CIMIP6: variants seen among roughly 807,000 people sequenced by gnomAD.
CIMIP6 encodes the protein ciliary microtubule inner protein 6.
the CIMIP6 span, among the ~76,000 whole-genome samples, chr2:54,333,765 C>T: frequency 2.0e-5 from 3 of 151,990 alleles, no homozygotes; most frequent in African/African-American, 4.8e-5. Flanking sequence ...TGGTGGTGCG[C>T]GCCTGTAACC....
the CIMIP6 span, among the ~76,000 whole-genome samples, chr2:54,331,761 C>T: frequency 4.5e-4 from 68 of 151,648 alleles, 1 homozygote; most frequent in South Asian, 0.013. Context: ...TTCTGATGTA[C>T]CTTAAATTGA....
At chr2:54,334,855 G>A in the CIMIP6 span, 1 of 1,551,182 alleles carries the variant, frequency 6.4e-7, no homozygotes, top group South Asian at 1.2e-5. Context: ...ACATATGTAA[G>A]TGAAAATGAA....
the CIMIP6 span, chr2:54,360,233 A>C: frequency 6.2e-7 from 1 of 1,604,286 alleles, no homozygotes. Context: ...GAGAGAGATA[A>C]AACCAGGCAG....
the CIMIP6 span, among the ~76,000 whole-genome samples, chr2:54,367,534 T>G: frequency 3.9e-5 from 6 of 152,224 alleles, no homozygotes; most frequent in East Asian, 1.2e-3. Context: ...TATTGGTAAT[T>G]GGGTATTTGT....
At chr2:54,358,843 A>G in the CIMIP6 span, 1 of 528,492 alleles carries the variant, frequency 1.9e-6, no homozygotes, top group Non-Finnish European at 3.3e-6. Context: ...TGTGTAAATA[A>G]TCTTGCATAC....
chr2:54,345,578 A>C, the CIMIP6 span, among the ~76,000 whole-genome samples: 1 of 152,238 alleles, frequency 6.6e-6, no homozygotes. Flanking sequence ...ATTTTAGAGT[A>C]GCATGTTCTG....
the CIMIP6 span, among the ~76,000 whole-genome samples, chr2:54,343,313 A>G: frequency 3.3e-5 from 5 of 152,166 alleles, no homozygotes; most frequent in East Asian, 7.7e-4. Flanking sequence ...GAAAACCACT[A>G]TTTTTAGATG....
chr2:54,363,015 T>C, the CIMIP6 span, among the ~76,000 whole-genome samples: 7 of 152,214 alleles, frequency 4.6e-5, no homozygotes, highest in African/African-American at 1.7e-4. Flanking sequence ...AATCTATACA[T>C]GTTTCCTCAG....
chr2:54,377,539 G>C, the CIMIP6 span, among the ~76,000 whole-genome samples: 2 of 151,940 alleles, frequency 1.3e-5, no homozygotes, highest in Non-Finnish European at 2.9e-5. Flanking sequence ...CCTAACAATT[G>C]GCTCTTGCAA....
the CIMIP6 span, among the ~76,000 whole-genome samples, chr2:54,345,161 A>C: frequency 6.6e-6 from 1 of 152,298 alleles, no homozygotes; most frequent in East Asian, 1.9e-4. Context: ...GATCAACAGG[A>C]GAAAAGCATA....
the CIMIP6 span, among the ~76,000 whole-genome samples, chr2:54,337,252 C>T: frequency 6.6e-6 from 1 of 152,166 alleles, no homozygotes; most frequent in Non-Finnish European, 1.5e-5. Context: ...TCATGGACAG[C>T]ACACCATGGC....
chr2:54,335,099 A>C, the CIMIP6 span: 1 of 1,171,428 alleles, frequency 8.5e-7, no homozygotes, highest in Non-Finnish European at 1.2e-6. Context: ...TTGGTCACAG[A>C]CTATAAAGGA....
At chr2:54,360,685 GAA>G in the CIMIP6 span, 1 of 1,018,120 alleles carries the variant, frequency 9.8e-7, no homozygotes, top group East Asian at 2.9e-5. Flanking sequence ...TATGTAAATG[GAA>G]AAAGAGAAAA....
chr2:54,338,778 C>A, the CIMIP6 span, among the ~76,000 whole-genome samples: 1 of 74,958 alleles, frequency 1.3e-5, no homozygotes, highest in African/African-American at 4.5e-5. Context: ...TACATTTCTA[C>A]CTAGGAACAT....
At chr2:54,359,701 G>C in the CIMIP6 span, among the ~76,000 whole-genome samples, 1 of 151,932 alleles carries the variant, frequency 6.6e-6, no homozygotes, top group Non-Finnish European at 1.5e-5. Context: ...TGCATGTAAG[G>C]TTTATAAAGC....
the CIMIP6 span, among the ~76,000 whole-genome samples, chr2:54,344,378 T>C: frequency 6.6e-6 from 1 of 152,156 alleles, no homozygotes; most frequent in Non-Finnish European, 1.5e-5. Context: ...GTGAAGAGAA[T>C]AGAAGGAAGA....
At chr2:54,378,056 G>A in the CIMIP6 span, among the ~76,000 whole-genome samples, 5 of 152,290 alleles carry the variant, frequency 3.3e-5, no homozygotes, top group African/African-American at 1.2e-4. Flanking sequence ...GCTATTTAGA[G>A]AGCCCTGCAG....
chr2:54,335,885 T>C, the CIMIP6 span, among the ~76,000 whole-genome samples: 18 of 152,300 alleles, frequency 1.2e-4, no homozygotes, highest in South Asian at 8.3e-4. Context: ...GCCTTTTTCT[T>C]TGAAGCCAGC....
chr2:54,370,023 C>T, the CIMIP6 span, among the ~76,000 whole-genome samples: 1 of 152,072 alleles, frequency 6.6e-6, no homozygotes, highest in Non-Finnish European at 1.5e-5. Context: ...TTTGGGAGGG[C>T]GAGACAGGTG....
Sources: allele counts gnomAD v4.1 joint callset (sites outside exome capture counted in the v4.1 genomes callset), GRCh38; gene constraint gnomAD v4.1.1; transcripts MANE v1.5; gene names NCBI Gene and HGNC (gene_info 2026-07-23, HGNC 2026-07-21).